The following PLEKHA5 variants were observed in gnomAD, a reference collection of about 807,000 sequenced individuals.
PLEKHA5 encodes pleckstrin homology domain-containing family A member 5.
In PLEKHA5, 55 loss-of-function variants were observed where a neutral mutation model predicts 181.9. The observed-to-expected ratio is 0.30, with a 90% CI of 0.24 to 0.38. PLEKHA5 has a LOEUF of 0.38. PLEKHA5 is among the 10% of genes least tolerant of loss of function. The probability of loss-of-function intolerance (pLI) is 1.00; values close to 1 mark genes in which losing one functional copy is unlikely to be tolerated. For synonymous variants in PLEKHA5, 535 were observed against 529.4 expected, an observed-to-expected ratio of 1.01 and a Z score of -0.15; for missense variants, 1,432 against 1,549.5, an observed-to-expected ratio of 0.92 and a Z score of 1.27.
At chr12:19,149,140 G>C (rs573820420) in intron 3 of PLEKHA5, among the ~76,000 whole-genome samples, 2 of 152,172 alleles carry the variant, frequency 1.3e-5, no homozygotes, top group South Asian at 4.2e-4. Context: ...CATTAATGGA[G>C]ACAATTAATA....
chr12:19,283,230 G>T, intron 11 of PLEKHA5, 50 bp from the exon 12 acceptor site: 3 of 1,100,634 alleles, frequency 2.7e-6, no homozygotes, highest in African/African-American at 1.6e-5. Context: ...TTTAGAATTT[G>T]GAAAATAACC....
intron 20 of PLEKHA5, among the ~76,000 whole-genome samples, chr12:19,323,021 T>A (rs1412082508): frequency 4.0e-5 from 1 of 24,950 alleles, no homozygotes; most frequent in Non-Finnish European, 2.6e-4. Context: ...GCTAGATTTT[T>A]TTTTTTTTTT....
chr12:19,252,506 G>A (rs574628541), intron 3 of PLEKHA5, among the ~76,000 whole-genome samples: 1 of 151,850 alleles, frequency 6.6e-6, no homozygotes, highest in East Asian at 1.9e-4. Flanking sequence ...AAATAAATAG[G>A]GTTTTTTTCC....
Position 19,366,021 on chromosome 12 carries a change from T to C in PLEKHA5, c.3666T>C (p.Asn1222=), listed in dbSNP as rs747162302. 2 of 1,611,582 alleles carry C rather than the reference T, an allele frequency of 1.2e-6. No homozygotes were observed. The highest frequency in any genetic ancestry group is 1.7e-6 in the Non-Finnish European group (2 of 1,178,454). ...AACCAGAAGAGCATCCTGAAGAAAA[T>C]ACAAAGAACAGTGTTGACGAACAGG... ...NHKPEEHPEE[N]TKNSVDEQEE... Residue 1222 remains asparagine, a synonymous_variant, in exon 30 of 32, where the codon AAT becomes AAC. Coordinates refer to ENST00000429027, the MANE Select transcript of PLEKHA5 (RefSeq NM_001256470.2).
At chr12:19,185,755 G>A (rs2049710243) in intron 3 of PLEKHA5, among the ~76,000 whole-genome samples, 1 of 152,074 alleles carries the variant, frequency 6.6e-6, no homozygotes, top group East Asian at 1.9e-4. Flanking sequence ...CAAATGATTC[G>A]GGAGTCTCCA....
intron 3 of PLEKHA5, among the ~76,000 whole-genome samples, chr12:19,160,564 TC>T (rs1334178115): frequency 6.6e-6 from 1 of 152,172 alleles, no homozygotes; most frequent in African/African-American, 2.4e-5. Context: ...TCAGTTTCCT[TC>T]CTATACATTT....
chr12:19,305,008 G>T (rs1456359712), intron 15 of PLEKHA5, among the ~76,000 whole-genome samples: 1 of 152,144 alleles, frequency 6.6e-6, no homozygotes, highest in Non-Finnish European at 1.5e-5. Flanking sequence ...CACTGTCTTG[G>T]TGCTACCTTT....
At chr12:19,271,006 A>G (rs1019297105) in intron 10 of PLEKHA5, among the ~76,000 whole-genome samples, 1 of 152,194 alleles carries the variant, frequency 6.6e-6, no homozygotes, top group African/African-American at 2.4e-5. Context: ...AGAGCTGGGG[A>G]AAAACTGAAA....
intron 15 of PLEKHA5, chr12:19,306,582 C>T (rs978761814): frequency 7.4e-6 from 6 of 806,828 alleles, no homozygotes; most frequent in African/African-American, 1.7e-5. Flanking sequence ...ACTGCGGATC[C>T]GGGCCCTAGC....
intron 3 of PLEKHA5, among the ~76,000 whole-genome samples, chr12:19,158,494 C>T (rs2042281969): frequency 2.0e-5 from 3 of 152,090 alleles, no homozygotes; most frequent in African/African-American, 7.2e-5. Context: ...CAGTACATTC[C>T]GTGGATGTCC....
chr12:19,173,010 T>C (rs1451278036), intron 3 of PLEKHA5, among the ~76,000 whole-genome samples: 15 of 64,608 alleles, frequency 2.3e-4, no homozygotes, highest in African/African-American at 1.0e-3. Flanking sequence ...CCTTTCTTTT[T>C]TTTTTTTTTT....
intron 3 of PLEKHA5, among the ~76,000 whole-genome samples, chr12:19,193,159 T>C (rs529639574): frequency 6.6e-6 from 1 of 152,296 alleles, no homozygotes; most frequent in South Asian, 2.1e-4. Context: ...GACAGTAGCA[T>C]GTGAGTCAAC....
At chr12:19,306,113 G>A (rs947321281) in intron 15 of PLEKHA5, among the ~76,000 whole-genome samples, 3 of 151,930 alleles carry the variant, frequency 2.0e-5, no homozygotes, top group African/African-American at 7.3e-5. Context: ...TTGCCAAACA[G>A]ACCTCAAAAC....
chr12:19,250,324 C>A (rs945891006), intron 3 of PLEKHA5, among the ~76,000 whole-genome samples: 1 of 152,200 alleles, frequency 6.6e-6, no homozygotes, highest in African/African-American at 2.4e-5. Context: ...GAGGCTCATA[C>A]CTGTAATCCC....
At chr12:19,150,233 T>C (rs2040058150) in intron 3 of PLEKHA5, 1 of 152,204 alleles carries the variant, frequency 6.6e-6, no homozygotes, top group Non-Finnish European at 1.5e-5. Context: ...TATTATGTTT[T>C]TTTCTTTTGA....
chr12:19,192,205 GC>G (rs2151964648), intron 3 of PLEKHA5, among the ~76,000 whole-genome samples: 1 of 152,210 alleles, frequency 6.6e-6, no homozygotes, highest in Non-Finnish European at 1.5e-5. Flanking sequence ...TTTTATAAAA[GC>G]AGTTAATTAC....
chr12:19,369,010 AT>A (rs1020589287), intron 30 of PLEKHA5, among the ~76,000 whole-genome samples: 11 of 151,782 alleles, frequency 7.2e-5, no homozygotes, highest in African/African-American at 2.4e-4. Context: ...AATGTAAAGT[AT>A]TTTTTTTGTT....
chr12:19,250,790 T>C (rs527851764), intron 3 of PLEKHA5, among the ~76,000 whole-genome samples: 56 of 152,176 alleles, frequency 3.7e-4, no homozygotes, highest in Admixed American at 1.5e-3. Flanking sequence ...GATAGTGATA[T>C]GTTAGTTTGT....
chr12:19,324,781 T>C (rs2091716637), intron 20 of PLEKHA5, among the ~76,000 whole-genome samples: 1 of 152,182 alleles, frequency 6.6e-6, no homozygotes, highest in African/African-American at 2.4e-5. Context: ...ACAGCCTGAC[T>C]GGGATAGAGG....
Sources: gnomAD v4.1 joint callset for allele counts (sites outside exome capture counted in the v4.1 genomes callset) on GRCh38, gnomAD v4.1.1 for gene constraint, MANE v1.5 for transcripts, NCBI Gene and HGNC (gene_info 2026-07-23, HGNC 2026-07-21) for gene names.